Variants in RBFOX1 observed in about 807,000 individuals in gnomAD.
RBFOX1 encodes RNA binding protein fox-1 homolog 1.
RBFOX1 carries 8 observed loss-of-function variants against 57.7 expected under a neutral mutation model. The ratio of observed to expected loss-of-function variants is 0.14; its 90% CI spans 0.08 to 0.25. The LOEUF (loss-of-function observed/expected upper bound fraction) is 0.25. Among genes scored for constraint, RBFOX1 ranks in the 10% least tolerant of loss-of-function variants. RBFOX1 has a pLI of 1.00. For synonymous variants in RBFOX1, 326 were observed against 222.4 expected (o/e 1.47, Z -4.15); for missense variants, 611 against 548.5 (o/e 1.11, Z -1.14).
chr16:6,339,855 T>G lies in RBFOX1; in HGVS notation c.-64+22798T>G, dbSNP rs761914435. Reference sequence around the variant, plus strand: ...CCAGCTGATTTTTTTTTATTTCTATTTTTAGTAGAGAGAGGGTTTTACCAT... The same window carrying G: ...CCAGCTGATTTTTTTTTATTTCTATGTTTAGTAGAGAGAGGGTTTTACCAT... On this transcript the variant is annotated intron_variant, in intron 2 of 15. Transcript: ENST00000550418. 5.9e-5 allele frequency among the ~76,000 whole-genome samples: 9 copies of G among 151,730 alleles called. 1 individual carries two copies. The highest frequency in any genetic ancestry group is 1.2e-4 in the Non-Finnish European group (8 of 67,966).
intron 1 of RBFOX1, among the ~76,000 whole-genome samples, chr16:6,281,137 A>G (rs764602280): frequency 4.0e-5 from 6 of 151,852 alleles, no homozygotes; most frequent in African/African-American, 4.8e-5. Context: ...GCTAACATGT[A>G]TTGAGCAGAT....
At chr16:5,323,799 C>A (rs1408061370) in intron 1 of RBFOX1, among the ~76,000 whole-genome samples, 1 of 152,166 alleles carries the variant, frequency 6.6e-6, no homozygotes. Flanking sequence ...TGAACATCTG[C>A]CCATCACCAG....
chr16:6,280,439 C>T (rs2076256819), intron 1 of RBFOX1, among the ~76,000 whole-genome samples: 1 of 151,974 alleles, frequency 6.6e-6, no homozygotes, highest in African/African-American at 2.4e-5. Flanking sequence ...AAGATGGAGA[C>T]AGATTGGAGA....
chr16:7,368,195 A>C (rs914068849), intron 4 of RBFOX1, among the ~76,000 whole-genome samples: 1 of 147,778 alleles, frequency 6.8e-6, no homozygotes, highest in Non-Finnish European at 1.5e-5. Context: ...TGAACCCGGG[A>C]GGTGGAGGTT....
At chr16:6,609,966 C>T (rs1458834843) in intron 2 of RBFOX1, among the ~76,000 whole-genome samples, 1 of 151,908 alleles carries the variant, frequency 6.6e-6, no homozygotes, top group Non-Finnish European at 1.5e-5. Flanking sequence ...CGAGATCACG[C>T]CATTGCACTC....
rs1281139249 is a variant in RBFOX1, at chr16:6,783,316, C to CT, written c.-16+128677dup. 2.0e-3 allele frequency among the ~76,000 whole-genome samples: 281 copies of CT among 141,824 alleles called. 1 individual carries two copies. The highest frequency in any genetic ancestry group is 6.1e-3 in the African/African-American group (236 of 38,914). 93.0% of individuals were successfully genotyped at this position (141,824 alleles called of 152,430 possible). On this transcript the variant is annotated intron_variant, in intron 3 of 15. Transcript: ENST00000550418. Reference sequence around the variant, plus strand: ...TTGTCATTTTGTTAGTTCTCTCTTCCTTTTTTTTTTTCTTCTTGTCTTCCT... The same window carrying CT: ...TTGTCATTTTGTTAGTTCTCTCTTCCTTTTTTTTTTTTCTTCTTGTCTTCCT...
chr16:6,465,750 C>T (rs1458058128), intron 2 of RBFOX1, among the ~76,000 whole-genome samples: 1 of 151,876 alleles, frequency 6.6e-6, no homozygotes, highest in Non-Finnish European at 1.5e-5. Flanking sequence ...GCAACAGAGA[C>T]CATGTGGTCC....
chr16:6,439,770 C>T (rs2094328407), intron 2 of RBFOX1, among the ~76,000 whole-genome samples: 1 of 152,046 alleles, frequency 6.6e-6, no homozygotes, highest in African/African-American at 2.4e-5. Flanking sequence ...GGGAGATGTC[C>T]CTTCCCAAGC....
intron 4 of RBFOX1, among the ~76,000 whole-genome samples, chr16:7,114,241 T>A (rs1259298229): frequency 6.6e-6 from 1 of 152,106 alleles, no homozygotes; most frequent in African/African-American, 2.4e-5. Context: ...GGAAAGTGAT[T>A]GTGTGTGCAC....
At chr16:6,857,201 G>T (rs2058068271) in intron 3 of RBFOX1, among the ~76,000 whole-genome samples, 1 of 152,062 alleles carries the variant, frequency 6.6e-6, no homozygotes, top group African/African-American at 2.4e-5. Context: ...TGGGACTTTG[G>T]CTCTCTCTAC....
intron 1 of RBFOX1, among the ~76,000 whole-genome samples, chr16:5,444,481 T>C (rs1304629981): frequency 2.6e-5 from 4 of 152,222 alleles, no homozygotes; most frequent in East Asian, 3.9e-4. Flanking sequence ...GCAGAAACAA[T>C]TTTCTTGTGC....
At chr16:5,867,367 A>G (rs1299952858) in intron 4 of RBFOX1, 4 of 1,158,984 alleles carry the variant, frequency 3.5e-6, no homozygotes, top group Non-Finnish European at 4.3e-6. Context: ...TCCCTTTAGA[A>G]GATAGTTTGA....
At chr16:5,802,879 A>T (rs957221084) in intron 3 of RBFOX1, among the ~76,000 whole-genome samples, 4 of 152,296 alleles carry the variant, frequency 2.6e-5, no homozygotes, top group South Asian at 2.1e-4. Context: ...CATTAATCAT[A>T]CAGTTATTTC....
intron 4 of RBFOX1, among the ~76,000 whole-genome samples, chr16:6,006,651 T>C (rs779355127): frequency 3.9e-5 from 6 of 152,204 alleles, no homozygotes; most frequent in Non-Finnish European, 8.8e-5. Flanking sequence ...CTAGTTTGAG[T>C]TGAGTTTCTG....
At position 6,731,478 on chromosome 16, in the gene RBFOX1, T is replaced by C. The variant is rs1286665251; in HGVS notation, c.-16+76828T>C. Among the ~76,000 whole-genome samples, 4 of 152,288 alleles carry C rather than the reference T, an allele frequency of 2.6e-5. No individual in the cohort carries two copies. In the East Asian group the frequency reaches 5.8e-4, roughly 22 times the overall value. ...GCCATCTTTTTGTGCTCTTGCAGAATTCTAGCTGCGAGTATCTGTGTCTCA... is the reference window on the plus strand; with the variant it reads ...GCCATCTTTTTGTGCTCTTGCAGAACTCTAGCTGCGAGTATCTGTGTCTCA... On this transcript the variant is annotated intron_variant, in intron 3 of 15. Coordinates refer to ENST00000550418, the MANE Select transcript of RBFOX1 (RefSeq NM_018723.4).
At position 6,680,128 on chromosome 16, in the gene RBFOX1, A is replaced by G. The variant is rs544781900; in HGVS notation, c.-16+25478A>G. 6.6e-5 allele frequency among the ~76,000 whole-genome samples: 10 copies of G among 152,152 alleles called. No homozygotes were observed. The East Asian group carries it at 1.7e-3, about 27-fold the overall frequency. ...TCTCATCTGTAAAATGGGGTCATAG[A>G]AGGACTACCACATAGGGTTGTGTTT... On this transcript the variant is annotated intron_variant, in intron 3 of 15. Coordinates refer to ENST00000550418, the MANE Select transcript of RBFOX1 (RefSeq NM_018723.4).
intron 3 of RBFOX1, among the ~76,000 whole-genome samples, chr16:5,621,396 G>C (rs1486827399): frequency 6.6e-6 from 1 of 152,246 alleles, no homozygotes; most frequent in Non-Finnish European, 1.5e-5. Context: ...GATGCACCCA[G>C]TGTAGGCCGT....
chr16:5,870,898 T>C (rs1402237185), intron 4 of RBFOX1, among the ~76,000 whole-genome samples: 1 of 150,912 alleles, frequency 6.6e-6, no homozygotes, highest in Non-Finnish European at 1.5e-5. Flanking sequence ...GACAAACAGT[T>C]GTAATTTAAG....
chr16:6,445,763 A>C (rs2094472177), intron 2 of RBFOX1, among the ~76,000 whole-genome samples: 1 of 151,786 alleles, frequency 6.6e-6, no homozygotes, highest in Non-Finnish European at 1.5e-5. Context: ...TTGTATTTTT[A>C]GTTGCGACAG....
Sources: gnomAD v4.1 joint callset for allele counts (sites outside exome capture counted in the v4.1 genomes callset) on GRCh38, gnomAD v4.1.1 for gene constraint, MANE v1.5 for transcripts, NCBI Gene and HGNC (gene_info 2026-07-23, HGNC 2026-07-21) for gene names.